HS6ST3: variants seen among roughly 807,000 people sequenced by gnomAD.
The protein encoded by HS6ST3 is heparan sulfate 6-O-sulfotransferase 3.
A neutral mutation model predicts 36.7 loss-of-function variants in HS6ST3; 12 were observed. The observed-to-expected ratio is 0.33, with a 90% CI of 0.21 to 0.53. The LOEUF is 0.53. Among genes scored for constraint, HS6ST3 ranks in the 20% least tolerant of loss-of-function variants. The pLI is 0.95. For synonymous variants in HS6ST3, 240 were observed against 257.5 expected (o/e 0.93, Z 0.65); for missense variants, 584 against 640.9 (o/e 0.91, Z 0.96).
chr13:96,437,896 T>C (rs946109627), intron 1 of HS6ST3, among the ~76,000 whole-genome samples: 1 of 152,230 alleles, frequency 6.6e-6, no homozygotes, highest in Non-Finnish European at 1.5e-5. Flanking sequence ...TTGGTCTCTT[T>C]TCTAATTTTT....
chr13:96,417,588 A>ATGTGTGTGTG (rs1378399011), intron 1 of HS6ST3, among the ~76,000 whole-genome samples: 24 of 80,024 alleles, frequency 3.0e-4, no homozygotes, highest in African/African-American at 1.1e-3. Context: ...TAGCATATAT[A>ATGTGTGTGTG]TATGTGTGTG....
chr13:96,249,517 G>A (rs1282071503), intron 1 of HS6ST3, among the ~76,000 whole-genome samples: 2 of 152,142 alleles, frequency 1.3e-5, no homozygotes, highest in South Asian at 2.1e-4. Flanking sequence ...AAACAGAGTT[G>A]GTAGAAAAGG....
chr13:96,522,346 T>G (rs1008818706), intron 1 of HS6ST3, among the ~76,000 whole-genome samples: 2 of 152,156 alleles, frequency 1.3e-5, no homozygotes, highest in Admixed American at 1.3e-4. Flanking sequence ...GGTGGGGAGT[T>G]CTGTAGATGT....
At chr13:96,181,798 C>A (rs910770719) in intron 1 of HS6ST3, among the ~76,000 whole-genome samples, 1 of 152,162 alleles carries the variant, frequency 6.6e-6, no homozygotes, top group African/African-American at 2.4e-5. Context: ...TTTCTCTAAA[C>A]TAAAAAGAGC....
At chr13:96,142,464 C>T (rs959281782) in intron 1 of HS6ST3, among the ~76,000 whole-genome samples, 3 of 151,958 alleles carry the variant, frequency 2.0e-5, no homozygotes, top group African/African-American at 4.8e-5. Flanking sequence ...AATCTGGTAC[C>T]GAGTCAGTGA....
At chr13:96,829,948 C>T (rs1329962062) in intron 1 of HS6ST3, among the ~76,000 whole-genome samples, 1 of 151,984 alleles carries the variant, frequency 6.6e-6, no homozygotes, top group Non-Finnish European at 1.5e-5. Flanking sequence ...TACAGGAAGT[C>T]TCTGATTTAT....
At chr13:96,321,519 T>C (rs1349024340) in intron 1 of HS6ST3, among the ~76,000 whole-genome samples, 1 of 152,192 alleles carries the variant, frequency 6.6e-6, no homozygotes, top group Non-Finnish European at 1.5e-5. Context: ...ATGTCCTAGA[T>C]TCCCAACTTA....
chr13:96,419,881 A>G (rs1176583209), intron 1 of HS6ST3, among the ~76,000 whole-genome samples: 5 of 152,144 alleles, frequency 3.3e-5, no homozygotes, highest in African/African-American at 2.4e-5. Flanking sequence ...GCCCACTCCA[A>G]TGATCTCATC....
chr13:96,677,033 G>A (rs985430536), intron 1 of HS6ST3, among the ~76,000 whole-genome samples: 5 of 152,114 alleles, frequency 3.3e-5, no homozygotes, highest in African/African-American at 1.2e-4. Flanking sequence ...ACATAAAGAT[G>A]TGTGCAGCAA....
chr13:96,787,514 T>C (rs1465609721), intron 1 of HS6ST3, among the ~76,000 whole-genome samples: 1 of 152,140 alleles, frequency 6.6e-6, no homozygotes, highest in Non-Finnish European at 1.5e-5. Context: ...TCAATTTGCA[T>C]TTCCTTAATG....
chr13:96,682,642 T>C (rs2056722336), intron 1 of HS6ST3, among the ~76,000 whole-genome samples: 1 of 152,118 alleles, frequency 6.6e-6, no homozygotes, highest in Non-Finnish European at 1.5e-5. Context: ...AATAGCACAT[T>C]TTTTTCATTA....
chr13:96,122,690 C>A (rs1448766807), intron 1 of HS6ST3, among the ~76,000 whole-genome samples: 1 of 152,122 alleles, frequency 6.6e-6, no homozygotes, highest in Admixed American at 6.6e-5. Context: ...GACTAGACAA[C>A]CTGAATGCTG....
intron 1 of HS6ST3, among the ~76,000 whole-genome samples, chr13:96,297,900 C>CAT (rs1199457983): frequency 1.3e-5 from 2 of 152,090 alleles, no homozygotes; most frequent in Non-Finnish European, 2.9e-5. Flanking sequence ...CACAATCTTG[C>CAT]ATATAGTACA....
intron 1 of HS6ST3, among the ~76,000 whole-genome samples, chr13:96,338,241 A>G (rs1024876765): frequency 2.0e-5 from 3 of 152,094 alleles, no homozygotes; most frequent in Non-Finnish European, 2.9e-5. Context: ...AACTCCACAA[A>G]TGGCCGGTGA....
At chr13:96,132,039 T>G (rs2053978328) in intron 1 of HS6ST3, among the ~76,000 whole-genome samples, 1 of 152,080 alleles carries the variant, frequency 6.6e-6, no homozygotes, top group African/African-American at 2.4e-5. Flanking sequence ...TTATTTTATA[T>G]AACATAATGT....
chr13:96,548,532 A>G lies in HS6ST3; in HGVS notation c.708-283958A>G, dbSNP rs77058375. On this transcript the variant is annotated intron_variant, in intron 1 of 1. Coordinates refer to ENST00000376705, the MANE Select transcript of HS6ST3 (RefSeq NM_153456.4). ...TAGTCAAGATTCTCCAGAGAAACAGAACTAATAGGAGGTATGGACTCAAGT... is the reference window on the plus strand; with the variant it reads ...TAGTCAAGATTCTCCAGAGAAACAGGACTAATAGGAGGTATGGACTCAAGT... 6.5e-3 allele frequency among the ~76,000 whole-genome samples: 997 copies of G among 152,338 alleles called. 17 individuals carry two copies. Among genetic ancestry groups the G allele is most frequent in the African/African-American group, 0.023 (956 of 41,590 alleles).
intron 1 of HS6ST3, among the ~76,000 whole-genome samples, chr13:96,535,295 G>T (rs1311597719): frequency 6.6e-6 from 1 of 152,092 alleles, no homozygotes; most frequent in Non-Finnish European, 1.5e-5. Flanking sequence ...GGTGGCTCAT[G>T]CCTGTAATCC....
intron 1 of HS6ST3, among the ~76,000 whole-genome samples, chr13:96,512,114 G>A (rs1421505863): frequency 1.3e-5 from 2 of 152,078 alleles, no homozygotes; most frequent in East Asian, 3.9e-4. Flanking sequence ...TTGCCTAATT[G>A]CTCTGGCTAG....
intron 1 of HS6ST3, among the ~76,000 whole-genome samples, chr13:96,098,641 G>C (rs1236279094): frequency 6.7e-6 from 1 of 148,592 alleles, no homozygotes; most frequent in Non-Finnish European, 1.5e-5. Flanking sequence ...AGGCAACAAA[G>C]TGAAACCCTA....
Sources: allele counts gnomAD v4.1 joint callset (sites outside exome capture counted in the v4.1 genomes callset), GRCh38; gene constraint gnomAD v4.1.1; transcripts MANE v1.5; gene names NCBI Gene and HGNC (gene_info 2026-07-23, HGNC 2026-07-21).